GALNTL6: variants seen among roughly 807,000 people sequenced by gnomAD.
The protein encoded by GALNTL6 is polypeptide N-acetylgalactosaminyltransferase like 6.
GALNTL6 carries 46 observed loss-of-function variants against 73.7 expected under a neutral mutation model. That is an observed-to-expected ratio of 0.62 (90% confidence interval 0.49 to 0.80). The LOEUF (loss-of-function observed/expected upper bound fraction) is 0.80. GALNTL6 is among the 30% of genes least tolerant of loss of function. The pLI, the probability that GALNTL6 is intolerant of heterozygous loss-of-function variation, is 0.00. For synonymous variants in GALNTL6, 259 were observed against 263.7 expected (o/e 0.98, Z 0.17); for missense variants, 604 against 755.0 (o/e 0.80, Z 2.34).
intron 5 of GALNTL6, among the ~76,000 whole-genome samples, chr4:172,481,356 T>TGAGCACAAGCAAGACGTATTGCAAAGAGC (rs60020762): frequency 0.11 from 16,157 of 150,842 alleles, 939 homozygotes; most frequent in East Asian, 0.23. Flanking sequence ...ACCCAAAGAG[T>TGAGCACAAGCAAGACGTATTGCAAAGAGC]GAGCACCAGC....
chr4:172,568,757 C>CAAAAA lies in GALNTL6; in HGVS notation c.553+220086_553+220090dup, dbSNP rs71592082. Among the ~76,000 whole-genome samples, 80 of 66,926 alleles carry CAAAAA rather than the reference C, an allele frequency of 1.2e-3. 1 individual carries two copies. Among genetic ancestry groups the CAAAAA allele is most frequent in the East Asian group, 0.01 (21 of 2,078 alleles). 43.9% of individuals were successfully genotyped at this position (66,926 alleles called of 152,430 possible). A position where few individuals can be genotyped will look rare whatever the true frequency, so the allele number is the denominator to read the frequency against. On this transcript the variant is annotated intron_variant, in intron 5 of 12. Transcript: ENST00000506823. ...TGGGCCACAGAGCGAGACTCCATCT[C>CAAAAA]AAAAAAAAAAAAAAAAAAAAAAGTA...
At chr4:172,451,290 A>T (rs1732198514) in intron 5 of GALNTL6, among the ~76,000 whole-genome samples, 1 of 152,218 alleles carries the variant, frequency 6.6e-6, no homozygotes, top group South Asian at 2.1e-4. Context: ...TGTTTCCTGT[A>T]TTTTGAACGT....
chr4:171,856,082 G>A (rs1735683121), intron 2 of GALNTL6, among the ~76,000 whole-genome samples: 1 of 151,894 alleles, frequency 6.6e-6, no homozygotes, highest in African/African-American at 2.4e-5. Flanking sequence ...ATATTTCACA[G>A]AACAGATTTG....
intron 2 of GALNTL6, among the ~76,000 whole-genome samples, chr4:172,070,069 C>T (rs62331075): frequency 0.74 from 79,183 of 106,944 alleles, 36,103 homozygotes; most frequent in South Asian, 0.89. Context: ...TTGTGGAGAA[C>T]ATTCCCAGCA....
chr4:172,358,432 G>A (rs1341979072), intron 5 of GALNTL6, among the ~76,000 whole-genome samples: 9 of 152,382 alleles, frequency 5.9e-5, no homozygotes, highest in African/African-American at 1.9e-4. Context: ...CCTGCAGGCC[G>A]CGTGCGGCCC....
chr4:172,713,222 ATGTGTGTG>A (rs61504713), intron 5 of GALNTL6, among the ~76,000 whole-genome samples: 127 of 139,238 alleles, frequency 9.1e-4, no homozygotes, highest in African/African-American at 1.8e-3. Context: ...AAAGAATAAG[ATGTGTGTG>A]TGTGTGTGTG....
At chr4:172,687,785 C>G (rs576494288) in intron 5 of GALNTL6, among the ~76,000 whole-genome samples, 1 of 152,206 alleles carries the variant, frequency 6.6e-6, no homozygotes, top group East Asian at 1.9e-4. Flanking sequence ...ACCATATTCT[C>G]CTTTGGGCTG....
At chr4:172,147,877 C>A (rs1043823384) in intron 2 of GALNTL6, among the ~76,000 whole-genome samples, 2 of 152,120 alleles carry the variant, frequency 1.3e-5, no homozygotes, top group Non-Finnish European at 2.9e-5. Context: ...AGCAATTTTA[C>A]TCCATGCTTC....
At chr4:172,800,579 C>T (rs1475732598) in intron 5 of GALNTL6, among the ~76,000 whole-genome samples, 3 of 152,118 alleles carry the variant, frequency 2.0e-5, no homozygotes. Flanking sequence ...GGCATTTGAA[C>T]TGAATTATCA....
At chr4:172,481,377 G>A (rs1733463193) in intron 5 of GALNTL6, among the ~76,000 whole-genome samples, 1 of 152,034 alleles carries the variant, frequency 6.6e-6, no homozygotes, top group African/African-American at 2.4e-5. Flanking sequence ...AAGACGTATT[G>A]CAAAGAGCAA....
At chr4:171,903,556 G>A (rs911789718) in intron 2 of GALNTL6, among the ~76,000 whole-genome samples, 1 of 148,322 alleles carries the variant, frequency 6.7e-6, no homozygotes. Flanking sequence ...AGGCGGCAGC[G>A]AGGCTGGGGG....
intron 2 of GALNTL6, among the ~76,000 whole-genome samples, chr4:172,228,731 A>C (rs1736952277): frequency 6.6e-6 from 1 of 152,210 alleles, no homozygotes; most frequent in African/African-American, 2.4e-5. Context: ...TGTGAATTTG[A>C]AAACACTTAT....
At chr4:172,026,860 T>C (rs1350927440) in intron 2 of GALNTL6, among the ~76,000 whole-genome samples, 1 of 152,094 alleles carries the variant, frequency 6.6e-6, no homozygotes, top group Non-Finnish European at 1.5e-5. Context: ...TTATTGTGCT[T>C]CACTTTATTA....
At chr4:172,202,929 G>C (rs1353583109) in intron 2 of GALNTL6, among the ~76,000 whole-genome samples, 1 of 151,916 alleles carries the variant, frequency 6.6e-6, no homozygotes, top group African/African-American at 2.4e-5. Context: ...AGGCTTGAGA[G>C]GAAAACAATT....
intron 5 of GALNTL6, among the ~76,000 whole-genome samples, chr4:172,773,564 A>G (rs1161840547): frequency 6.6e-6 from 1 of 152,108 alleles, no homozygotes; most frequent in Admixed American, 6.6e-5. Context: ...ACAGGGGACT[A>G]AAGTAATGAC....
Position 172,269,876 on chromosome 4 carries a change from T to C in GALNTL6, c.247+40112T>C, listed in dbSNP as rs375434595. ...AAGAGATTCTCCTGCCTCAGCCTCC[T>C]GAGTAGCTGAGATTATGGGTGCCTG... On this transcript the variant is annotated intron_variant, in intron 3 of 12. Coordinates refer to ENST00000506823, the MANE Select transcript of GALNTL6 (RefSeq NM_001034845.3). 4.4e-4 allele frequency among the ~76,000 whole-genome samples: 67 copies of C among 152,102 alleles called. 2 individuals are homozygous for C. In the East Asian group the frequency reaches 0.012, roughly 27 times the overall value.
At chr4:171,871,811 T>C (rs1238489744) in intron 2 of GALNTL6, among the ~76,000 whole-genome samples, 1 of 152,184 alleles carries the variant, frequency 6.6e-6, no homozygotes, top group Non-Finnish European at 1.5e-5. Flanking sequence ...ACATAAAATT[T>C]AATAACAACG....
intron 8 of GALNTL6, among the ~76,000 whole-genome samples, chr4:172,884,535 T>G (rs922943581): frequency 6.6e-6 from 1 of 152,156 alleles, no homozygotes; most frequent in African/African-American, 2.4e-5. Flanking sequence ...CTTTGTCAGA[T>G]AGATAGTTTG....
rs1189762074 is a variant in GALNTL6, at chr4:173,041,154, T to C, written c.*1054T>C. The C allele has an allele frequency of 6.6e-6, 1 of 152,076 alleles. No homozygotes were observed. The highest frequency in any genetic ancestry group is 1.5e-5 in the Non-Finnish European group (1 of 68,008). 9.4% of individuals were successfully genotyped at this position (152,076 alleles called of 1,614,324 possible). A position where few individuals can be genotyped will look rare whatever the true frequency, so the allele number is the denominator to read the frequency against. On this transcript the variant is annotated 3_prime_UTR_variant, in exon 13 of 13. Coordinates refer to ENST00000506823, the MANE Select transcript of GALNTL6 (RefSeq NM_001034845.3). ...CAGTGGTGGGAGCTTAGAAGTGGTT[T>C]TATTTGTTCGTTTGTTTGGGTTTTG...
Sources: gnomAD v4.1 joint callset for allele counts (sites outside exome capture counted in the v4.1 genomes callset) on GRCh38, gnomAD v4.1.1 for gene constraint, MANE v1.5 for transcripts, NCBI Gene and HGNC (gene_info 2026-07-23, HGNC 2026-07-21) for gene names.